THRAP3: variants seen among roughly 807,000 people sequenced by gnomAD.
THRAP3 encodes the protein thyroid hormone receptor-associated protein 3.
Under a neutral mutation model 101.0 loss-of-function variants are expected in THRAP3, and 16 were observed. The observed-to-expected ratio is 0.16, with a 90% CI of 0.11 to 0.24. The LOEUF is 0.24. Among genes scored for constraint, THRAP3 ranks in the 10% least tolerant of loss-of-function variants. THRAP3 has a pLI of 1.00. For synonymous variants in THRAP3, 407 were observed against 422.6 expected, an observed-to-expected ratio of 0.96 and a Z score of 0.45; for missense variants, 989 against 1,202.7, an observed-to-expected ratio of 0.82 and a Z score of 2.63.
At chr1:36,290,665 C>G (rs1274319766) in intron 5 of THRAP3, among the ~76,000 whole-genome samples, 8 of 152,128 alleles carry the variant, frequency 5.3e-5, no homozygotes, top group Admixed American at 5.2e-4. Flanking sequence ...TGGGTTACAC[C>G]ATGTTGGCCA....
intron 5 of THRAP3, among the ~76,000 whole-genome samples, chr1:36,290,505 A>C (rs1176252506): frequency 6.6e-6 from 1 of 151,848 alleles, no homozygotes; most frequent in Non-Finnish European, 1.5e-5. Context: ...TCTCTCTGTC[A>C]CCCAGGCTGG....
At chr1:36,212,245 A>T in the THRAP3 span, among the ~76,000 whole-genome samples, 1 of 152,104 alleles carries the variant, frequency 6.6e-6, no homozygotes, top group Non-Finnish European at 1.5e-5. Context: ...CCCTTTCCTC[A>T]GTGGTTCAGC....
intron 2 of THRAP3, among the ~76,000 whole-genome samples, chr1:36,275,958 G>A (rs1231705799): frequency 1.3e-5 from 2 of 152,142 alleles, no homozygotes; most frequent in Admixed American, 1.3e-4. Context: ...AACTGAGGCT[G>A]CAGTGAGTTG....
At chr1:36,250,987 T>TA (rs936697560) in intron 1 of THRAP3, among the ~76,000 whole-genome samples, 1 of 150,956 alleles carries the variant, frequency 6.6e-6, no homozygotes, top group Non-Finnish European at 1.5e-5. Context: ...GCTCAAGTGA[T>TA]CCGCCCACCT....
rs527352263 is a variant in THRAP3, at chr1:36,244,999, C to T, written c.-134-14383C>T. On this transcript the variant is annotated intron_variant, in intron 1 of 11. Transcript: ENST00000354618. ...CCTCCCAAAGTGCTGGGATTACAGG[C>T]GTGAGCCACCACGCCTGGCCAGAGC... Among the ~76,000 whole-genome samples the T allele has an allele frequency of 2.0e-5, 3 of 151,938 alleles. 1 individual carries two copies. In the South Asian group the frequency reaches 6.2e-4, roughly 32 times the overall value.
upstream of THRAP3, among the ~76,000 whole-genome samples, chr1:36,220,457 C>T (rs893887260): frequency 6.6e-6 from 1 of 152,086 alleles, no homozygotes; most frequent in Non-Finnish European, 1.5e-5. Flanking sequence ...GGACTGATTA[C>T]TTGAGGTCAG....
At chr1:36,279,370 C>T (rs767683158) in intron 2 of THRAP3, among the ~76,000 whole-genome samples, 2 of 152,148 alleles carry the variant, frequency 1.3e-5, no homozygotes, top group Non-Finnish European at 1.5e-5. Flanking sequence ...AAATAAAGGT[C>T]TCCATTTGGC....
At chr1:36,265,400 G>A (rs1393433928) in intron 2 of THRAP3, among the ~76,000 whole-genome samples, 1 of 151,090 alleles carries the variant, frequency 6.6e-6, no homozygotes, top group Non-Finnish European at 1.5e-5. Context: ...GTCACAGTAT[G>A]AGCCTGAAAA....
chr1:36,286,895 C>A lies in THRAP3; in HGVS notation c.665C>A (p.Pro222Gln). 2 of 1,614,136 alleles carry A rather than the reference C, an allele frequency of 1.2e-6. No homozygotes were observed. The highest frequency in any genetic ancestry group is 1.7e-4 in the Middle Eastern group (1 of 6,060). Residue 222 changes from proline (P) to glutamine (Q), a missense_variant, in exon 4 of 12, where the codon CCA becomes CAA. Transcript: ENST00000354618. This position sits in a 1 kb window ranked among gnomAD's most constrained non-coding sequence, Gnocchi z 5.5. ...QDTKASESSK[P>Q]WPDATYGTGS... is the part of the protein sequence containing the mutation. ...ACAAAAGCATCTGAGAGCTCGAAGC[C>A]ATGGCCAGATGCCACCTACGGCACT...
rs764647029 is a variant in THRAP3, at chr1:36,286,155, C to T, written c.138-213C>T. ...ATGTGCTGCAATATGAATGAAGTGA[C>T]CTGTGTTTCATCACTTGTTCAAATG... is the stretch of plus-strand genomic sequence containing the variant. On this transcript the variant is annotated intron_variant, in intron 3 of 11. Transcript: ENST00000354618. The surrounding 1 kb of genome is among the most constrained non-coding windows in gnomAD (Gnocchi z 5.5). 3.9e-5 allele frequency among the ~76,000 whole-genome samples: 6 copies of T among 152,162 alleles called. No individual in the cohort carries two copies. The highest frequency in any genetic ancestry group is 7.3e-5 in the Non-Finnish European group (5 of 68,028).
At chr1:36,290,142 A>G (rs1265452102) in intron 5 of THRAP3, among the ~76,000 whole-genome samples, 3 of 151,958 alleles carry the variant, frequency 2.0e-5, no homozygotes, top group African/African-American at 4.8e-5. Flanking sequence ...TCCCCATCAA[A>G]TAACGTAGCA....
intron 2 of THRAP3, among the ~76,000 whole-genome samples, chr1:36,268,957 C>T (rs1053685636): frequency 6.6e-6 from 1 of 152,292 alleles, no homozygotes; most frequent in African/African-American, 2.4e-5. Flanking sequence ...AACTCCTGGC[C>T]TCAGGTGATC....
At chr1:36,297,355 CAT>C (rs953391711) in intron 9 of THRAP3, among the ~76,000 whole-genome samples, 3 of 151,606 alleles carry the variant, frequency 2.0e-5, no homozygotes, top group African/African-American at 4.9e-5. Flanking sequence ...ACTTTTTAAT[CAT>C]GTGTCACGAA....
At chr1:36,293,708 G>T (rs1290799596) in intron 7 of THRAP3, 143 bp from the exon 8 acceptor site, 21 of 573,440 alleles carry the variant, frequency 3.7e-5, no homozygotes, top group Non-Finnish European at 4.1e-5. Flanking sequence ...AAGTATATAA[G>T]AGTAAAAGTA....
chr1:36,225,803 T>A (rs762140618), intron 1 of THRAP3, among the ~76,000 whole-genome samples: 1 of 152,260 alleles, frequency 6.6e-6, no homozygotes, highest in African/African-American at 2.4e-5. Context: ...TGCCGGGAGA[T>A]GTATTTTGTG....
chr1:36,281,837 G>A (rs189611690), intron 2 of THRAP3, among the ~76,000 whole-genome samples: 21 of 152,060 alleles, frequency 1.4e-4, no homozygotes, highest in Non-Finnish European at 2.9e-4. Context: ...TTGGGAGGCC[G>A]AGCCGGGCAG....
At chr1:36,292,256 C>CTTGTTTTTTTTTTTTTT (rs1645881411) in intron 6 of THRAP3, among the ~76,000 whole-genome samples, 1 of 54,534 alleles carries the variant, frequency 1.8e-5, no homozygotes. Flanking sequence ...TAATGTGTTT[C>CTTGTTTTTTTTTTTTTT]TTTGTTTCTT....
At chr1:36,300,466 G>T (rs1000171424) in intron 9 of THRAP3, among the ~76,000 whole-genome samples, 3 of 152,190 alleles carry the variant, frequency 2.0e-5, no homozygotes, top group Admixed American at 1.3e-4. Flanking sequence ...ATTCCTGTAA[G>T]AAATAAAAGT....
chr1:36,273,359 A>G (rs935773466), intron 2 of THRAP3, among the ~76,000 whole-genome samples: 7 of 152,234 alleles, frequency 4.6e-5, no homozygotes, highest in African/African-American at 1.7e-4. Flanking sequence ...CTCAGTAGAC[A>G]CATTTCAGTG....
Sources: allele counts gnomAD v4.1 joint callset (sites outside exome capture counted in the v4.1 genomes callset), GRCh38; gene constraint gnomAD v4.1.1; non-coding constraint Gnocchi (gnomAD v3.1); transcripts MANE v1.5; gene names NCBI Gene and HGNC (gene_info 2026-07-23, HGNC 2026-07-21).